The following ULK4 variants were observed in gnomAD, a reference collection of about 807,000 sequenced individuals.
ULK4 encodes the protein inactive serine/threonine-protein kinase ULK4.
A neutral mutation model predicts 160.6 loss-of-function variants in ULK4; 133 were observed. The observed-to-expected ratio is 0.83, with a 90% CI of 0.72 to 0.96. The LOEUF (loss-of-function observed/expected upper bound fraction) is 0.96. Ranked by LOEUF, ULK4 falls within the 40% of genes least tolerant of loss-of-function variation. ULK4 has a pLI of 0.00. For synonymous variants in ULK4, 534 were observed against 539.8 expected, an observed-to-expected ratio of 0.99 and a Z score of 0.15; for missense variants, 1,580 against 1,499.5, an observed-to-expected ratio of 1.05 and a Z score of -0.89.
intron 32 of ULK4, among the ~76,000 whole-genome samples, chr3:41,508,330 C>G (rs1348646061): frequency 6.6e-6 from 1 of 152,158 alleles, no homozygotes; most frequent in Non-Finnish European, 1.5e-5. Flanking sequence ...CCTGCCTCCA[C>G]CTGGTAGTCT....
intron 35 of ULK4, among the ~76,000 whole-genome samples, chr3:41,392,345 T>C (rs1312090828): frequency 6.6e-6 from 1 of 152,134 alleles, no homozygotes; most frequent in Admixed American, 6.6e-5. Context: ...ACACATCCCA[T>C]CTCCATTAAC....
At chr3:41,694,993 TCA>T (rs1697547922) in intron 27 of ULK4, among the ~76,000 whole-genome samples, 1 of 152,200 alleles carries the variant, frequency 6.6e-6, no homozygotes, top group African/African-American at 2.4e-5. Flanking sequence ...AATGTGTTTC[TCA>T]CAGTTTAGGA....
intron 32 of ULK4, among the ~76,000 whole-genome samples, chr3:41,500,199 T>A (rs2085145635): frequency 6.6e-6 from 1 of 151,492 alleles, no homozygotes; most frequent in African/African-American, 2.4e-5. Context: ...TTTTTTATTA[T>A]TTTCTTCCTT....
intron 34 of ULK4, among the ~76,000 whole-genome samples, chr3:41,442,435 G>A (rs750905474): frequency 6.6e-6 from 1 of 152,120 alleles, no homozygotes; most frequent in South Asian, 2.1e-4. Context: ...GCATTTCAGT[G>A]TATGTGTGTC....
At chr3:41,300,667 A>C (rs2079767608) in intron 35 of ULK4, among the ~76,000 whole-genome samples, 1 of 151,508 alleles carries the variant, frequency 6.6e-6, no homozygotes, top group African/African-American at 2.4e-5. Context: ...CAGCACCCCC[A>C]GATGGTTGTA....
At chr3:41,794,660 C>CAAAAAAAAAAAAAAAAAAAA (rs71075484) in intron 20 of ULK4, among the ~76,000 whole-genome samples, 24 of 18,984 alleles carry the variant, frequency 1.3e-3, no homozygotes, top group East Asian at 2.6e-3. Context: ...GACTCTGTCT[C>CAAAAAAAAAAAAAAAAAAAA]AAAAAAAAAA....
chr3:41,500,395 T>C (rs1322586012), intron 32 of ULK4, among the ~76,000 whole-genome samples: 2 of 142,224 alleles, frequency 1.4e-5, no homozygotes, highest in Non-Finnish European at 3.1e-5. Flanking sequence ...CTTTATTTCA[T>C]TGGTCTGAAG....
At chr3:41,748,670 T>C (rs1021184634) in intron 22 of ULK4, among the ~76,000 whole-genome samples, 47 of 152,208 alleles carry the variant, frequency 3.1e-4, no homozygotes, top group South Asian at 6.2e-4. Flanking sequence ...TTCCTTATTC[T>C]CTTCCTAATC....
intron 35 of ULK4, among the ~76,000 whole-genome samples, chr3:41,300,094 G>A (rs1002932273): frequency 3.3e-5 from 5 of 152,142 alleles, no homozygotes; most frequent in Non-Finnish European, 5.9e-5. Context: ...TCACACGCTT[G>A]CCAGCACTAG....
intron 34 of ULK4, 28 bp downstream of exon 34, chr3:41,455,469 C>T (rs769333870): frequency 8.2e-6 from 13 of 1,593,006 alleles, no homozygotes; most frequent in African/African-American, 2.7e-5. Flanking sequence ...TCAGTAATGC[C>T]CCAAAAGACA....
intron 34 of ULK4, among the ~76,000 whole-genome samples, chr3:41,415,936 T>A (rs1210662394): frequency 6.6e-6 from 1 of 152,188 alleles, no homozygotes; most frequent in Non-Finnish European, 1.5e-5. Context: ...AAAAGAGAGA[T>A]ACCCTCAAGT....
At chr3:41,264,182 A>C (rs2078991157) in intron 35 of ULK4, among the ~76,000 whole-genome samples, 1 of 152,250 alleles carries the variant, frequency 6.6e-6, no homozygotes, top group South Asian at 2.1e-4. Flanking sequence ...AAGTGGGAAC[A>C]GGTGAGGCAG....
chr3:41,580,097 G>T (rs921507606), intron 31 of ULK4, among the ~76,000 whole-genome samples: 4 of 152,096 alleles, frequency 2.6e-5, no homozygotes, highest in African/African-American at 9.7e-5. Context: ...TGTGAATTTC[G>T]ATTAGCTGCT....
chr3:41,299,555 T>C (rs1204508999), intron 35 of ULK4, among the ~76,000 whole-genome samples: 1 of 152,236 alleles, frequency 6.6e-6, no homozygotes, highest in Non-Finnish European at 1.5e-5. Context: ...ATGAGCTATG[T>C]ACGTGGCTCT....
At chr3:41,857,538 A>G (rs894090490) in intron 17 of ULK4, among the ~76,000 whole-genome samples, 1 of 152,152 alleles carries the variant, frequency 6.6e-6, no homozygotes, top group Non-Finnish European at 1.5e-5. Context: ...TAGGATTGGT[A>G]TCAGTTGGTT....
At chr3:41,711,887 C>T (rs2037107601) in intron 25 of ULK4, among the ~76,000 whole-genome samples, 1 of 152,200 alleles carries the variant, frequency 6.6e-6, no homozygotes. Context: ...ATGGTATTCA[C>T]CACAGAACTT....
chr3:41,317,373 C>G (rs1388358396), intron 35 of ULK4, among the ~76,000 whole-genome samples: 1 of 152,138 alleles, frequency 6.6e-6, no homozygotes, highest in Non-Finnish European at 1.5e-5. Flanking sequence ...CCGCGCCCGG[C>G]CAATTACATC....
rs1359445248 is a variant in ULK4, at chr3:41,447,101, A to G, written c.3492+8396T>C. 2.0e-5 allele frequency among the ~76,000 whole-genome samples: 3 copies of G among 149,774 alleles called. No individual in the cohort carries two copies. In the East Asian group the frequency reaches 5.9e-4, roughly 29 times the overall value. On this transcript the variant is annotated intron_variant, in intron 34 of 36. Transcript: ENST00000301831. ...TCTGTCTCAAAAAAAAAAAAAAAAA[A>G]AAAAAAAAGACAAGACACCTTTAAA... is the stretch of plus-strand genomic sequence containing the variant.
intron 35 of ULK4, among the ~76,000 whole-genome samples, chr3:41,322,949 T>A (rs555937834): frequency 6.6e-6 from 1 of 152,090 alleles, no homozygotes; most frequent in Non-Finnish European, 1.5e-5. Context: ...ACCATTTTTT[T>A]TTTTTGAGAC....
Sources: gnomAD v4.1 joint callset for allele counts (sites outside exome capture counted in the v4.1 genomes callset) on GRCh38, gnomAD v4.1.1 for gene constraint, MANE v1.5 for transcripts, NCBI Gene and HGNC (gene_info 2026-07-23, HGNC 2026-07-21) for gene names.